The following SGMS2 variants were observed in gnomAD, a reference collection of about 807,000 sequenced individuals.
The protein encoded by SGMS2 is sphingomyelin synthase 2.
Under a neutral mutation model 43.8 loss-of-function variants are expected in SGMS2, and 21 were observed. The observed-to-expected ratio is 0.48, with a 90% CI of 0.34 to 0.69. The LOEUF is 0.69. Ranked by LOEUF, SGMS2 falls within the 30% of genes least tolerant of loss-of-function variation. SGMS2 has a pLI of 0.01. For missense variants in SGMS2, 384 were observed against 443.2 expected (o/e 0.87, Z 1.20); for synonymous variants, 167 against 160.6 (o/e 1.04, Z -0.30).
At chr4:107,867,348 C>T (rs920205686) in intron 2 of SGMS2, 4 of 152,194 alleles carry the variant, frequency 2.6e-5, no homozygotes, top group Non-Finnish European at 5.9e-5. Context: ...AAATGCCAGT[C>T]TTCCCAGTTG....
intron 1 of SGMS2, among the ~76,000 whole-genome samples, chr4:107,857,191 A>G (rs1727473268): frequency 6.6e-6 from 1 of 152,308 alleles, no homozygotes; most frequent in Non-Finnish European, 1.5e-5. Flanking sequence ...AGTGTGTATC[A>G]CTGCCTTATT....
intron 1 of SGMS2, among the ~76,000 whole-genome samples, chr4:107,856,631 G>T (rs563144704): frequency 6.6e-6 from 1 of 152,286 alleles, no homozygotes; most frequent in African/African-American, 2.4e-5. Flanking sequence ...AGGGTTCCAA[G>T]TGAAACGAGA....
intron 1 of SGMS2, among the ~76,000 whole-genome samples, chr4:107,832,134 C>T (rs1725926611): frequency 6.6e-6 from 1 of 152,084 alleles, no homozygotes; most frequent in Admixed American, 6.5e-5. Flanking sequence ...GTTGAACCAC[C>T]CAGTTATTAC....
chr4:107,838,518 G>A (rs1202112331), intron 1 of SGMS2, among the ~76,000 whole-genome samples: 1 of 152,074 alleles, frequency 6.6e-6, no homozygotes, highest in Non-Finnish European at 1.5e-5. Flanking sequence ...ATGATTCAGA[G>A]GGTTTTGTTA....
rs2126027885 is a variant in SGMS2 at position 107,858,508 on chromosome 4, A to G, written c.-290A>G. 1 of 152,264 alleles carries G rather than the reference A, an allele frequency of 6.6e-6. No individual in the cohort carries two copies. The highest frequency in any genetic ancestry group is 2.1e-4 in the South Asian group (1 of 4,816). 9.4% of individuals were successfully genotyped at this position (152,264 alleles called of 1,614,324 possible). On this transcript the variant is annotated 5_prime_UTR_variant, in exon 2 of 7. Coordinates refer to ENST00000690982, the MANE Select transcript of SGMS2 (RefSeq NM_001375905.1). ...GTGGCCCTATAACACTCTTCTCCAA[A>G]AGGACCTGCCAGAGACTGGGAGTGT...
At position 107,912,082 on chromosome 4, in the gene SGMS2, A is replaced by T. The variant is rs1460502948; in HGVS notation, c.*1529A>T. 6.6e-6 allele frequency: 1 copy of T among 152,218 alleles called. No individual in the cohort carries two copies. The highest frequency in any genetic ancestry group is 1.5e-5 in the Non-Finnish European group (1 of 68,038). 9.4% of individuals were successfully genotyped at this position (152,218 alleles called of 1,614,324 possible). ...GGAAAACATCCCCAAATGTATCATT[A>T]TAAACTAGTCAGCCTTGACTACACA... On this transcript the variant is annotated 3_prime_UTR_variant, in exon 7 of 7. Transcript: ENST00000690982.
At chr4:107,866,005 A>G (rs1049246607) in intron 2 of SGMS2, among the ~76,000 whole-genome samples, 24 of 152,194 alleles carry the variant, frequency 1.6e-4, no homozygotes, top group African/African-American at 5.1e-4. Flanking sequence ...AGAATGTGAT[A>G]GGGGTAGGAC....
intron 1 of SGMS2, among the ~76,000 whole-genome samples, chr4:107,846,341 C>G (rs1028136062): frequency 1.4e-5 from 2 of 143,012 alleles, no homozygotes; most frequent in Non-Finnish European, 3.0e-5. Flanking sequence ...CAATTCCCAT[C>G]TATGAGTGAG....
At chr4:107,890,703 G>C (rs953511067) in intron 2 of SGMS2, among the ~76,000 whole-genome samples, 2 of 151,182 alleles carry the variant, frequency 1.3e-5, no homozygotes, top group Non-Finnish European at 2.9e-5. Flanking sequence ...ACAAGGTCCT[G>C]GGGGAGAAAA....
chr4:107,839,849 T>C (rs1726399885), intron 1 of SGMS2, among the ~76,000 whole-genome samples: 1 of 152,172 alleles, frequency 6.6e-6, no homozygotes, highest in South Asian at 2.1e-4. Context: ...TTGAATATTG[T>C]TCCATCTGAT....
chr4:107,868,494 A>G (rs899773671), intron 2 of SGMS2, among the ~76,000 whole-genome samples: 2 of 152,172 alleles, frequency 1.3e-5, no homozygotes, highest in African/African-American at 4.8e-5. Context: ...AGGCGGGTGG[A>G]TCACCTGAGG....
At chr4:107,878,537 C>G (rs1026425268) in intron 2 of SGMS2, among the ~76,000 whole-genome samples, 1 of 152,166 alleles carries the variant, frequency 6.6e-6, no homozygotes, top group Non-Finnish European at 1.5e-5. Flanking sequence ...GTAGCCCTAT[C>G]TATCTTTCCA....
chr4:107,869,231 T>C (rs1418755781), intron 2 of SGMS2, among the ~76,000 whole-genome samples: 1 of 152,166 alleles, frequency 6.6e-6, no homozygotes, highest in Non-Finnish European at 1.5e-5. Context: ...CAGTAGCACA[T>C]ACCAGGGAGT....
At chr4:107,852,745 C>CTTTTTTT (rs1727221312) in intron 1 of SGMS2, among the ~76,000 whole-genome samples, 2 of 112,728 alleles carry the variant, frequency 1.8e-5, no homozygotes, top group Admixed American at 9.4e-5. Context: ...ACTTGTTTCT[C>CTTTTTTT]ATTTTTTTTT....
At chr4:107,869,552 C>T (rs1728397661) in intron 2 of SGMS2, among the ~76,000 whole-genome samples, 1 of 152,046 alleles carries the variant, frequency 6.6e-6, no homozygotes, top group African/African-American at 2.4e-5. Context: ...AAGGACATGC[C>T]ACCATCTAAA....
intron 5 of SGMS2, among the ~76,000 whole-genome samples, chr4:107,904,567 CT>C (rs2126146769): frequency 6.6e-6 from 1 of 152,300 alleles, no homozygotes; most frequent in Non-Finnish European, 1.5e-5. Context: ...ATTGTAGCGT[CT>C]TTTTGTTGCT....
chr4:107,909,839 C>T (rs1303787125), intron 6 of SGMS2, among the ~76,000 whole-genome samples: 1 of 152,162 alleles, frequency 6.6e-6, no homozygotes, highest in Non-Finnish European at 1.5e-5. Flanking sequence ...TCTTGGTGTC[C>T]ACTAATAAAT....
chr4:107,847,110 T>G (rs1417226613), intron 1 of SGMS2, among the ~76,000 whole-genome samples: 362 of 151,584 alleles, frequency 2.4e-3, no homozygotes, highest in African/African-American at 8.3e-3. Flanking sequence ...AGAAGCTCTT[T>G]AGTTTAATTA....
At chr4:107,856,844 T>C (rs1483987915) in intron 1 of SGMS2, among the ~76,000 whole-genome samples, 1 of 152,238 alleles carries the variant, frequency 6.6e-6, no homozygotes, top group African/African-American at 2.4e-5. Flanking sequence ...TTTTGTTCTT[T>C]TAATTTTACA....
Sources: gnomAD v4.1 joint callset for allele counts (sites outside exome capture counted in the v4.1 genomes callset) on GRCh38, gnomAD v4.1.1 for gene constraint, MANE v1.5 for transcripts, NCBI Gene and HGNC (gene_info 2026-07-23, HGNC 2026-07-21) for gene names.